GPC5: variants seen among roughly 807,000 people sequenced by gnomAD.
The protein encoded by GPC5 is glypican-5.
GPC5 carries 47 observed loss-of-function variants against 53.9 expected under a neutral mutation model. That is an observed-to-expected ratio of 0.87 (90% CI 0.69 to 1.11). The LOEUF (loss-of-function observed/expected upper bound fraction) is 1.11, where lower values mean the gene tolerates loss of function less well. Ranked by LOEUF, GPC5 falls within the 50% of genes most tolerant of loss-of-function variation. The pLI is 0.00. For missense variants in GPC5, 748 were observed against 713.1 expected (o/e 1.05, Z -0.56); for synonymous variants, 286 against 263.3 (o/e 1.09, Z -0.84).
chr13:91,774,458 A>G (rs998355870), intron 5 of GPC5, among the ~76,000 whole-genome samples: 1 of 152,048 alleles, frequency 6.6e-6, no homozygotes, highest in Non-Finnish European at 1.5e-5. Flanking sequence ...GCTGCCTTGG[A>G]GATTATAGCA....
chr13:91,597,720 C>T (rs1481331710), intron 2 of GPC5, among the ~76,000 whole-genome samples: 3 of 152,150 alleles, frequency 2.0e-5, no homozygotes, highest in Admixed American at 6.5e-5. Context: ...TAATTCCTGA[C>T]TTTACAAGGT....
chr13:92,793,502 A>G (rs1040145279), intron 7 of GPC5, among the ~76,000 whole-genome samples: 10 of 152,256 alleles, frequency 6.6e-5, no homozygotes, highest in African/African-American at 2.4e-4. Flanking sequence ...AACAAATTCA[A>G]AAGCTACCAG....
intron 7 of GPC5, among the ~76,000 whole-genome samples, chr13:92,451,706 G>C (rs1276466809): frequency 1.3e-5 from 2 of 152,108 alleles, no homozygotes; most frequent in Non-Finnish European, 2.9e-5. Context: ...TACTTAATGG[G>C]TGTCGATAGA....
chr13:92,838,445 T>C (rs569883930), intron 7 of GPC5, among the ~76,000 whole-genome samples: 1 of 149,532 alleles, frequency 6.7e-6, no homozygotes, highest in Non-Finnish European at 1.5e-5. Context: ...ATCACGCCAC[T>C]GCACTCCAGC....
At chr13:92,177,781 T>C (rs2042119069) in intron 7 of GPC5, among the ~76,000 whole-genome samples, 3 of 152,320 alleles carry the variant, frequency 2.0e-5, no homozygotes, top group African/African-American at 7.2e-5. Flanking sequence ...TTGAGAAGAC[T>C]AGTGACAGAA....
At chr13:92,445,308 A>G (rs12867359) in intron 7 of GPC5, among the ~76,000 whole-genome samples, 45,367 of 122,482 alleles carry the variant, frequency 0.37, 7,986 homozygotes, top group East Asian at 0.62. Context: ...TTTTTGTTTT[A>G]TTTTATTTTA....
At chr13:92,742,616 T>A (rs939629795) in intron 7 of GPC5, among the ~76,000 whole-genome samples, 1 of 152,030 alleles carries the variant, frequency 6.6e-6, no homozygotes, top group Non-Finnish European at 1.5e-5. Flanking sequence ...TTGGCCTTTG[T>A]TGCCATTGCT....
intron 7 of GPC5, among the ~76,000 whole-genome samples, chr13:92,347,361 G>T (rs539089114): frequency 6.6e-6 from 1 of 152,110 alleles, no homozygotes; most frequent in South Asian, 2.1e-4. Flanking sequence ...AACACTGCAG[G>T]CCAGGAAAGA....
chr13:92,775,563 G>C (rs1373043514), intron 7 of GPC5, among the ~76,000 whole-genome samples: 2 of 152,090 alleles, frequency 1.3e-5, no homozygotes, highest in African/African-American at 4.8e-5. Flanking sequence ...CCATTGTCCA[G>C]GTAAATCCCT....
chr13:92,385,774 T>C (rs879544128), intron 7 of GPC5, among the ~76,000 whole-genome samples: 2 of 82,932 alleles, frequency 2.4e-5, no homozygotes, highest in African/African-American at 5.6e-5. Context: ...TACGTATATA[T>C]ACATATATGT....
At chr13:91,530,478 G>A (rs962617636) in intron 2 of GPC5, among the ~76,000 whole-genome samples, 9 of 152,206 alleles carry the variant, frequency 5.9e-5, no homozygotes, top group Non-Finnish European at 1.0e-4. Flanking sequence ...TTGGGCTGGA[G>A]TAGTAGTAGA....
chr13:92,760,471 A>G (rs1206785209), intron 7 of GPC5, among the ~76,000 whole-genome samples: 1 of 152,052 alleles, frequency 6.6e-6, no homozygotes, highest in East Asian at 1.9e-4. Flanking sequence ...GCAATTTTTC[A>G]TAATAGTCTC....
At chr13:91,444,824 T>C (rs986624760) in intron 1 of GPC5, among the ~76,000 whole-genome samples, 1 of 152,166 alleles carries the variant, frequency 6.6e-6, no homozygotes, top group Non-Finnish European at 1.5e-5. Flanking sequence ...ATTTAATGAT[T>C]GAGGGGGCAA....
chr13:91,527,341 C>A (rs140389101), intron 2 of GPC5, among the ~76,000 whole-genome samples: 1 of 152,178 alleles, frequency 6.6e-6, no homozygotes, highest in Non-Finnish European at 1.5e-5. Context: ...TATGCAAGTC[C>A]GAAACTCAGC....
At chr13:91,986,061 CTTTTTTTTTT>C (rs779259362) in intron 6 of GPC5, among the ~76,000 whole-genome samples, 3 of 95,438 alleles carry the variant, frequency 3.1e-5, no homozygotes, top group African/African-American at 4.4e-5. Flanking sequence ...TTAGCCAATA[CTTTTTTTTTT>C]TTTTTTTTTT....
chr13:91,520,999 T>C (rs1382801034), intron 2 of GPC5, among the ~76,000 whole-genome samples: 1 of 152,166 alleles, frequency 6.6e-6, no homozygotes, highest in Non-Finnish European at 1.5e-5. Flanking sequence ...CATAGTTACA[T>C]TTCTGTATTA....
At chr13:91,691,812 C>T (rs900212884) in intron 2 of GPC5, among the ~76,000 whole-genome samples, 3 of 152,044 alleles carry the variant, frequency 2.0e-5, no homozygotes, top group Non-Finnish European at 4.4e-5. Context: ...ACTCTTCTTC[C>T]ACCTATTTTT....
At chr13:91,595,511 TAA>T (rs2139189998) in intron 2 of GPC5, among the ~76,000 whole-genome samples, 1 of 152,314 alleles carries the variant, frequency 6.6e-6, no homozygotes, top group South Asian at 2.1e-4. Context: ...TTAAATTTTC[TAA>T]TATATGAAGT....
intron 7 of GPC5, among the ~76,000 whole-genome samples, chr13:92,705,235 G>A (rs1413266306): frequency 1.3e-5 from 2 of 152,004 alleles, no homozygotes; most frequent in African/African-American, 4.8e-5. Context: ...TGAATTTAGT[G>A]TAGTAAGGTA....
Sources: gnomAD v4.1 joint callset for allele counts (sites outside exome capture counted in the v4.1 genomes callset) on GRCh38, gnomAD v4.1.1 for gene constraint, MANE v1.5 for transcripts, NCBI Gene and HGNC (gene_info 2026-07-23, HGNC 2026-07-21) for gene names.